ENOX1: variants seen among roughly 807,000 people sequenced by gnomAD.
ENOX1 encodes ecto-NOX disulfide-thiol exchanger 1, also known as candidate growth-related and time keeping constitutive hydroquinone (NADH) oxidase.
ENOX1 carries 42 observed loss-of-function variants against 82.5 expected under a neutral mutation model. The ratio of observed to expected loss-of-function variants is 0.51; its 90% CI spans 0.40 to 0.66. The LOEUF (loss-of-function observed/expected upper bound fraction) is 0.66, where lower values mean the gene tolerates loss of function less well. Ranked by LOEUF, ENOX1 falls within the 30% of genes least tolerant of loss-of-function variation. ENOX1 has a pLI of 0.00. For synonymous variants in ENOX1, 271 were observed against 282.2 expected, an observed-to-expected ratio of 0.96 and a Z score of 0.40; for missense variants, 608 against 811.6, an observed-to-expected ratio of 0.75 and a Z score of 3.05.
intron 1 of ENOX1, among the ~76,000 whole-genome samples, chr13:43,684,750 G>A (rs1348219123): frequency 6.6e-6 from 1 of 152,152 alleles, no homozygotes; most frequent in African/African-American, 2.4e-5. Context: ...ACAAGTAAGA[G>A]CTAAACTAAG....
intron 5 of ENOX1, among the ~76,000 whole-genome samples, chr13:43,386,336 G>A (rs956227123): frequency 1.2e-4 from 18 of 152,258 alleles, no homozygotes; most frequent in African/African-American, 3.9e-4. Flanking sequence ...TAATAATGTC[G>A]TTGTTTTCCC....
chr13:43,541,895 T>C (rs987400040), intron 2 of ENOX1, among the ~76,000 whole-genome samples: 4 of 152,196 alleles, frequency 2.6e-5, no homozygotes, highest in African/African-American at 7.2e-5. Flanking sequence ...CATAAGACTG[T>C]TGAGTAACTG....
intron 1 of ENOX1, among the ~76,000 whole-genome samples, chr13:43,767,289 G>T (rs1424147413): frequency 6.6e-6 from 1 of 152,178 alleles, no homozygotes; most frequent in East Asian, 1.9e-4. Flanking sequence ...ATGAAACACA[G>T]ATGTCCCCAT....
chr13:43,475,202 T>C (rs1014341287), intron 3 of ENOX1, among the ~76,000 whole-genome samples: 3 of 152,166 alleles, frequency 2.0e-5, no homozygotes, highest in Admixed American at 6.6e-5. Flanking sequence ...AATCTCATAC[T>C]GGGGATATCA....
intron 3 of ENOX1, among the ~76,000 whole-genome samples, chr13:43,427,041 A>C (rs1340408853): frequency 3.9e-5 from 6 of 152,220 alleles, no homozygotes. Flanking sequence ...TAAAATTTGC[A>C]CAGAAATGCA....
intron 5 of ENOX1, among the ~76,000 whole-genome samples, chr13:43,386,284 T>C (rs978984284): frequency 2.0e-5 from 3 of 152,216 alleles, no homozygotes; most frequent in African/African-American, 7.2e-5. Flanking sequence ...CATCCCTCTG[T>C]GTCCTTACAG....
chr13:43,658,053 T>C (rs1177956322), intron 2 of ENOX1, among the ~76,000 whole-genome samples: 1 of 152,140 alleles, frequency 6.6e-6, no homozygotes, highest in African/African-American at 2.4e-5. Flanking sequence ...TGACAATGAC[T>C]AAAAAGAATT....
chr13:43,570,060 C>T (rs901690988), intron 2 of ENOX1, among the ~76,000 whole-genome samples: 1 of 152,076 alleles, frequency 6.6e-6, no homozygotes, highest in South Asian at 2.1e-4. Context: ...TAGTTTAGGA[C>T]ACATTCAATA....
At chr13:43,408,758 T>C (rs1008264922) in intron 5 of ENOX1, among the ~76,000 whole-genome samples, 2 of 152,078 alleles carry the variant, frequency 1.3e-5, no homozygotes, top group South Asian at 2.1e-4. Context: ...TAGTAAAGAA[T>C]AGATATTTCA....
chr13:43,566,994 C>T (rs1173930615), intron 2 of ENOX1, among the ~76,000 whole-genome samples: 1 of 152,036 alleles, frequency 6.6e-6, no homozygotes, highest in African/African-American at 2.4e-5. Flanking sequence ...ACAATGAGCC[C>T]TCCCAGAGGA....
At chr13:43,398,882 A>G (rs2053319896) in intron 5 of ENOX1, among the ~76,000 whole-genome samples, 1 of 151,104 alleles carries the variant, frequency 6.6e-6, no homozygotes, top group African/African-American at 2.4e-5. Context: ...TGTAGCCTCA[A>G]TCTCCCAGGC....
chr13:43,758,746 T>A (rs370249864), intron 1 of ENOX1, among the ~76,000 whole-genome samples: 3 of 152,320 alleles, frequency 2.0e-5, no homozygotes, highest in South Asian at 2.1e-4. Context: ...GGTTTCCTTA[T>A]CTGTAAAATG....
chr13:43,515,229 T>C (rs1007258059), intron 2 of ENOX1, among the ~76,000 whole-genome samples: 2 of 152,142 alleles, frequency 1.3e-5, no homozygotes, highest in African/African-American at 4.8e-5. Flanking sequence ...TCTCAGACTG[T>C]ATCTGCATAA....
At chr13:43,642,472 T>C (rs543843034) in intron 2 of ENOX1, among the ~76,000 whole-genome samples, 67 of 152,292 alleles carry the variant, frequency 4.4e-4, no homozygotes, top group Middle Eastern at 3.4e-3. Context: ...GAAGTAATTA[T>C]TGGGAAAAAA....
chr13:43,290,650 A>G (rs988510310), intron 12 of ENOX1, among the ~76,000 whole-genome samples: 1 of 152,286 alleles, frequency 6.6e-6, no homozygotes, highest in East Asian at 1.9e-4. Context: ...CTCACTACCC[A>G]GGTGATGGGA....
At chr13:43,508,742 C>A (rs2077264136) in intron 2 of ENOX1, among the ~76,000 whole-genome samples, 1 of 151,770 alleles carries the variant, frequency 6.6e-6, no homozygotes, top group African/African-American at 2.4e-5. Flanking sequence ...CATACACATG[C>A]AATACTTGAT....
rs529099914 is a variant in ENOX1, at chr13:43,503,057, G to A, written c.-218-18905C>T. Among the ~76,000 whole-genome samples the A allele has an allele frequency of 7.3e-5, 11 of 151,586 alleles. No homozygotes were observed. In the South Asian group the frequency reaches 1.7e-3, roughly 23 times the overall value. On this transcript the variant is annotated intron_variant, in intron 2 of 16. Transcript: ENST00000690772. ...AAATCAACATATAAAAATTAGTTCTGTTTCTATACATAAACAATTAGCTAT... is the reference window on the plus strand; with the variant it reads ...AAATCAACATATAAAAATTAGTTCTATTTCTATACATAAACAATTAGCTAT...
At chr13:43,326,604 G>T in intron 9 of ENOX1, 79 bp from the exon 10 acceptor site, 3 of 1,082,908 alleles carry the variant, frequency 2.8e-6, no homozygotes, top group Non-Finnish European at 4.3e-6. Flanking sequence ...AAGACACTAG[G>T]AGTCTATGGA....
At chr13:43,350,508 T>C (rs1308076904) in intron 8 of ENOX1, among the ~76,000 whole-genome samples, 1 of 152,194 alleles carries the variant, frequency 6.6e-6, no homozygotes, top group African/African-American at 2.4e-5. Context: ...TGCAATGGCA[T>C]GATCTCGGCT....
Sources: allele counts gnomAD v4.1 joint callset (sites outside exome capture counted in the v4.1 genomes callset), GRCh38; gene constraint gnomAD v4.1.1; transcripts MANE v1.5; gene names NCBI Gene and HGNC (gene_info 2026-07-23, HGNC 2026-07-21).